Variants in HTR2C observed in about 807,000 individuals in gnomAD.
The protein encoded by HTR2C is 5-hydroxytryptamine receptor 2C.
In HTR2C, 5 loss-of-function variants were observed where a neutral mutation model predicts 21.0. The ratio of observed to expected loss-of-function variants is 0.24; its 90% CI spans 0.12 to 0.50. The LOEUF is 0.50. Ranked by LOEUF, HTR2C falls within the 20% of genes least tolerant of loss-of-function variation. The probability of loss-of-function intolerance (pLI) is 0.98; values close to 1 mark genes in which losing one functional copy is unlikely to be tolerated. For synonymous variants in HTR2C, 150 were observed against 145.3 expected (o/e 1.03, Z -0.23); for missense variants, 271 against 371.2 (o/e 0.73, Z 2.22).
chrX:114,805,992 CAT>C (rs1556449169), intron 4 of HTR2C, among the ~76,000 whole-genome samples: 5 of 87,994 alleles, frequency 5.7e-5, no homozygotes, highest in Admixed American at 2.7e-4. Flanking sequence ...ATATATACAC[CAT>C]ATATATACTA....
intron 2 of HTR2C, among the ~76,000 whole-genome samples, chrX:114,661,060 C>G (rs1381589202): frequency 3.6e-5 from 4 of 112,494 alleles, no homozygotes; most frequent in Non-Finnish European, 7.5e-5. Context: ...ACTCATGTCT[C>G]CCTAACTTTG....
chrX:114,841,809 G>T (rs1255780215), intron 4 of HTR2C, among the ~76,000 whole-genome samples: 5 of 111,670 alleles, frequency 4.5e-5, no homozygotes, highest in African/African-American at 9.8e-5. Flanking sequence ...CAGACTTAAT[G>T]CCACACCAGA....
chrX:114,677,103 C>T (rs1032870088), intron 2 of HTR2C, among the ~76,000 whole-genome samples: 5 of 111,404 alleles, frequency 4.5e-5, no homozygotes, highest in East Asian at 2.8e-4. Context: ...TTGCAGGGCC[C>T]GTGTTGAAGG....
chrX:114,690,425 A>G (rs1036830588), intron 2 of HTR2C, among the ~76,000 whole-genome samples: 2 of 111,677 alleles, frequency 1.8e-5, no homozygotes, highest in Non-Finnish European at 3.8e-5. Flanking sequence ...CATTATTTTG[A>G]TATTTGACTG....
At chrX:114,697,413 A>T (rs1556416023) in intron 2 of HTR2C, among the ~76,000 whole-genome samples, 1 of 112,436 alleles carries the variant, frequency 8.9e-6, no homozygotes, top group Non-Finnish European at 1.9e-5. Context: ...ACTTGTTCAA[A>T]TCCAATAAAG....
Position 114,819,034 on chromosome X carries a change from C to T in HTR2C, c.350-28969C>T, listed in dbSNP as rs186163387. Among the ~76,000 whole-genome samples the T allele has an allele frequency of 6.1e-4, 68 of 111,735 alleles. 1 individual carries two copies. Among genetic ancestry groups the T allele is most frequent in the African/African-American group, 2.1e-3 (66 of 30,803 alleles). On this transcript the variant is annotated intron_variant, in intron 4 of 5. Coordinates refer to ENST00000276198, the MANE Select transcript of HTR2C (RefSeq NM_000868.4). Reference sequence around the variant, plus strand: ...TTTAACTAATTTTGACCACATAATACTCCTCACTATATTATAAAACCATGA... The same window carrying T: ...TTTAACTAATTTTGACCACATAATATTCCTCACTATATTATAAAACCATGA...
intron 4 of HTR2C, among the ~76,000 whole-genome samples, chrX:114,846,501 C>G (rs1474741762): frequency 9.0e-6 from 1 of 111,534 alleles, no homozygotes; most frequent in Non-Finnish European, 1.9e-5. Flanking sequence ...AAGAGGGATT[C>G]AACATACAGA....
At chrX:114,654,662 C>T (rs1930716777) in intron 2 of HTR2C, among the ~76,000 whole-genome samples, 1 of 110,277 alleles carries the variant, frequency 9.1e-6, no homozygotes, top group South Asian at 3.7e-4. Flanking sequence ...ATGAATAAGA[C>T]ACAATCCCTC....
intron 2 of HTR2C, among the ~76,000 whole-genome samples, chrX:114,685,025 AGAGCAGTAATAC>A (rs782595135): frequency 0.02 from 2,209 of 111,348 alleles, 31 homozygotes; most frequent in Non-Finnish European, 0.033. Flanking sequence ...AAGGGAAACA[AGAGCAGTAATAC>A]AATTTGTATA....
chrX:114,746,061 T>A (rs948916420), intron 4 of HTR2C, among the ~76,000 whole-genome samples: 12 of 111,814 alleles, frequency 1.1e-4, no homozygotes, highest in Non-Finnish European at 7.5e-5. Context: ...TATCTAAACA[T>A]CTCAGGTACC....
At chrX:114,658,437 C>T (rs1556409632) in intron 2 of HTR2C, among the ~76,000 whole-genome samples, 1 of 111,584 alleles carries the variant, frequency 9.0e-6, no homozygotes, top group Non-Finnish European at 1.9e-5. Flanking sequence ...CAGGAAATTG[C>T]TGAGTTCTGT....
chrX:114,703,975 C>T (rs1932664295), intron 2 of HTR2C, among the ~76,000 whole-genome samples: 2 of 110,240 alleles, frequency 1.8e-5, no homozygotes, highest in African/African-American at 3.3e-5. Context: ...TGGATAAATT[C>T]CTCGACACAT....
intron 5 of HTR2C, among the ~76,000 whole-genome samples, chrX:114,853,252 A>C (rs1168727283): frequency 9.0e-6 from 1 of 111,349 alleles, no homozygotes; most frequent in Non-Finnish European, 1.9e-5. Context: ...TTATTTCTTA[A>C]TTTAATAGCT....
intron 2 of HTR2C, among the ~76,000 whole-genome samples, chrX:114,709,753 C>T (rs1164261644): frequency 1.8e-5 from 2 of 111,085 alleles, no homozygotes; most frequent in African/African-American, 6.5e-5. Context: ...TCTTATTCCT[C>T]TTCTCCTTCA....
At chrX:114,796,552 A>G (rs1556445323) in intron 4 of HTR2C, among the ~76,000 whole-genome samples, 2 of 111,392 alleles carry the variant, frequency 1.8e-5, no homozygotes. Context: ...TCTGAACCTC[A>G]CCTTCTAAAA....
chrX:114,696,660 G>C (rs781831450), intron 2 of HTR2C, among the ~76,000 whole-genome samples: 1 of 109,776 alleles, frequency 9.1e-6, no homozygotes, highest in African/African-American at 3.3e-5. Context: ...GTTGAAAGTC[G>C]TTTTATTTTC....
intron 2 of HTR2C, among the ~76,000 whole-genome samples, chrX:114,687,998 C>T (rs1005047489): frequency 9.0e-6 from 1 of 111,342 alleles, no homozygotes; most frequent in Non-Finnish European, 1.9e-5. Context: ...AAGCATGGCA[C>T]TTTTTTAAAG....
chrX:114,674,170 C>T (rs782636260), intron 2 of HTR2C, among the ~76,000 whole-genome samples: 21 of 112,155 alleles, frequency 1.9e-4, no homozygotes, highest in African/African-American at 6.8e-4. Context: ...CAGAGAGCTT[C>T]GTGACATATC....
chrX:114,780,557 C>T (rs1556440284), intron 4 of HTR2C, among the ~76,000 whole-genome samples: 1 of 111,534 alleles, frequency 9.0e-6, no homozygotes, highest in Non-Finnish European at 1.9e-5. Flanking sequence ...CCCTTAGGGT[C>T]TGCAAGAAAA....
Sources: gnomAD v4.1 joint callset for allele counts (sites outside exome capture counted in the v4.1 genomes callset) on GRCh38, gnomAD v4.1.1 for gene constraint, MANE v1.5 for transcripts, NCBI Gene and HGNC (gene_info 2026-07-23, HGNC 2026-07-21) for gene names.